WDR87: variants seen among roughly 807,000 people sequenced by gnomAD.
WDR87 encodes the protein WD repeat domain 87.
Under a neutral mutation model 83.3 loss-of-function variants are expected in WDR87, and 56 were observed. That is an observed-to-expected ratio of 0.67 (90% CI 0.54 to 0.84). The LOEUF is 0.84. Among genes scored for constraint, WDR87 ranks in the 40% least tolerant of loss-of-function variants. WDR87 has a pLI of 0.00. For missense variants in WDR87, 2,939 were observed against 3,431.9 expected (o/e 0.86, Z 3.59); for synonymous variants, 1,173 against 1,250.6 (o/e 0.94, Z 1.31).
rs6508750 is a variant in WDR87, at chr19:37,888,806, C to G, written c.4865G>C (p.Arg1622Pro). The G allele has an allele frequency of 1.3e-6, 2 of 1,551,174 alleles. No individual in the cohort carries two copies. The highest frequency in any genetic ancestry group is 1.7e-6 in the Non-Finnish European group (2 of 1,146,904). Residue 1622 changes from arginine (R) to proline (P), a missense_variant, in exon 6 of 6, where the codon CGA (arginine) becomes CCA (proline). By Grantham distance (103) the Arg-to-Pro change is moderately radical. Coordinates refer to ENST00000447313, the MANE Select transcript of WDR87 (RefSeq NM_001291088.2). ...TTCTTGGGCTCGTTTTTTTTCAGCT[C>G]GGGCTCGTTTCCTGTGTATTCTGGC... ...KWARIHRKRA[R>P]AEKKRAQEER...
Position 37,893,799 on chromosome 19 carries a change from A to C in WDR87, c.1904T>G (p.Phe635Cys), listed in dbSNP as rs1352607072. ...SADGSVRIWD[F>C]HGRLIGILDS... ...CAGAATGCCTATGAGTCTGCCATGG[A>C]AGTCCCAGATCCGAACAGAGCCATC... Residue 635 changes from phenylalanine (F) to cysteine (C), a missense_variant, in exon 4 of 6, where the codon TTC becomes TGC. Coordinates refer to ENST00000447313, the MANE Select transcript of WDR87 (RefSeq NM_001291088.2). 1.3e-6 allele frequency: 2 copies of C among 1,551,756 alleles called. No homozygotes were observed. The highest frequency in any genetic ancestry group is 2.4e-5 in the South Asian group (2 of 84,066).
Position 37,891,640 on chromosome 19 carries a change from C to T in WDR87, c.3306G>A (p.Leu1102=). 6.4e-7 allele frequency: 1 copy of T among 1,551,874 alleles called. No homozygotes were observed. The highest frequency in any genetic ancestry group is 8.7e-7 in the Non-Finnish European group (1 of 1,147,044). ...ATTCTTCAGAAACTGTAGGAGGTTT[C>T]AGGGAGGATTTAAGTTCAGAAGGCA... ...VSMPSELKSS[L]KPPTVSEESE... The change falls in exon 5 of 6, where the codon CTG becomes CTA. Residue 1102 remains leucine, a synonymous_variant. Transcript: ENST00000447313.
intron 3 of WDR87, 181 bp downstream of exon 3, chr19:37,895,957 C>T (rs1293736873): frequency 1.1e-5 from 9 of 823,724 alleles, no homozygotes; most frequent in East Asian, 5.6e-5. Flanking sequence ...TGGTTTACTT[C>T]GGGGGAACCA....
rs2046157439 is a variant in WDR87, at chr19:37,887,246, G to A, written c.6425C>T (p.Ala2142Val). The A allele has an allele frequency of 6.4e-7, 1 of 1,551,638 alleles. No homozygotes were observed. The highest frequency in any genetic ancestry group is 8.7e-7 in the Non-Finnish European group (1 of 1,146,974). ...CAACCTGCGCTCCTTAACAAAGAGT[G>A]CCCTCTTCATCTTTGTCATTTTTAT... is the stretch of plus-strand genomic sequence containing the variant. ...EEIKMTKMKRALFVKERRLSI... is the reference protein window; with the variant it reads ...EEIKMTKMKRVLFVKERRLSI... The change falls in exon 6 of 6, where the codon GCA (alanine) becomes GTA (valine). Residue 2142 changes from alanine (A) to valine (V), a missense_variant. This residue lies in a region of WDR87 where 2,160 missense variants were observed against 2,533.1 expected (regional missense o/e 0.85). Coordinates refer to ENST00000447313, the MANE Select transcript of WDR87 (RefSeq NM_001291088.2).
chr19:37,898,645 C>T (rs1441003172), intron 1 of WDR87, among the ~76,000 whole-genome samples: 1 of 152,092 alleles, frequency 6.6e-6, no homozygotes, highest in African/African-American at 2.4e-5. Context: ...GTCCGGAGAG[C>T]ATTTTGTGAA....
rs777377236 is a variant in WDR87, at chr19:37,885,119, G to A, written c.8552C>T (p.Ser2851Phe). The A allele has an allele frequency of 9.6e-5, 140 of 1,463,162 alleles. No homozygotes were observed. The highest frequency in any genetic ancestry group is 1.2e-4 in the Non-Finnish European group (128 of 1,108,112). 90.6% of individuals were successfully genotyped at this position (1,463,162 alleles called of 1,614,324 possible). ...CTCCTGAGGACTTCTAGGAGTATGA[G>A]AACTGCCACAAAACAGGCAGCAGAA... is the stretch of plus-strand genomic sequence containing the variant. Reference protein sequence around the residue: ...RLFCCLFCGSSHTPRSPQEFQ... With the variant: ...RLFCCLFCGSFHTPRSPQEFQ... The change falls in exon 6 of 6, where the codon TCT becomes TTT. Residue 2851 changes from serine to phenylalanine, a missense_variant. This residue lies in a region of WDR87 where 2,160 missense variants were observed against 2,533.1 expected (regional missense o/e 0.85). Coordinates refer to ENST00000447313, the MANE Select transcript of WDR87 (RefSeq NM_001291088.2).
intron 1 of WDR87, among the ~76,000 whole-genome samples, chr19:37,898,644 G>A (rs1599771396): frequency 1.3e-5 from 2 of 152,150 alleles, no homozygotes; most frequent in South Asian, 4.1e-4. Flanking sequence ...TGTCCGGAGA[G>A]CATTTTGTGA....
chr19:37,895,870 T>C (rs1599768607), intron 3 of WDR87: 2 of 444,272 alleles, frequency 4.5e-6, no homozygotes, highest in East Asian at 8.2e-5. Flanking sequence ...ATTGGAGGAC[T>C]CAAGTGATTT....
At chr19:37,900,838 C>T (rs1268180890) in intron 1 of WDR87, among the ~76,000 whole-genome samples, 3 of 151,926 alleles carry the variant, frequency 2.0e-5, no homozygotes, top group Non-Finnish European at 4.4e-5. Flanking sequence ...AGTTGATCTG[C>T]TTCAGATCCT....
rs781610555 is a variant in WDR87 at position 37,889,141 on chromosome 19, A to G, written c.4530T>C (p.His1510=). ...KKAWDEWKQV[H]GETRKSWKAW... is the part of the protein sequence containing the mutation. The stretch of plus-strand genomic sequence containing the variant: ...CCTTCCAGGATTTCCTTGTCTCACC[A>G]TGGACCTGTTTCCACTCATCCCAGG... Residue 1510 remains histidine, a synonymous_variant, in exon 6 of 6, where the codon CAT becomes CAC. Coordinates refer to ENST00000447313, the MANE Select transcript of WDR87 (RefSeq NM_001291088.2). 2.6e-6 allele frequency: 4 copies of G among 1,552,076 alleles called. No individual in the cohort carries two copies. In the South Asian group the frequency reaches 3.6e-5, roughly 14 times the overall value.
rs1443368384 is a variant in WDR87, at chr19:37,893,358, T to G, written c.2345A>C (p.Tyr782Ser). ...GGGAGGAAGCACATAATGGCATTGG[T>G]AACGTTTGCTCACCTGCATCCAATC... ...MEDWMQVSKR[Y>S]QCHYVLPPQL... The change falls in exon 4 of 6, where the codon TAC becomes TCC. Residue 782 changes from tyrosine to serine, a missense_variant. Physicochemically the swap from Tyr to Ser is moderately radical, Grantham distance 144. Coordinates refer to ENST00000447313, the MANE Select transcript of WDR87 (RefSeq NM_001291088.2). The G allele has an allele frequency of 6.4e-7, 1 of 1,551,978 alleles. No individual in the cohort carries two copies. Among genetic ancestry groups the G allele is most frequent in the African/African-American group, 1.4e-5 (1 of 73,180 alleles).
At chr19:37,892,542 G>A (rs536377360) in intron 4 of WDR87, 36 bp downstream of exon 4, 34 of 1,442,584 alleles carry the variant, frequency 2.4e-5, no homozygotes, top group African/African-American at 1.0e-4. Flanking sequence ...GGAAAATGGC[G>A]AATGGGGTGA....
At chr19:37,902,016 C>T (rs1162192140) in intron 1 of WDR87, among the ~76,000 whole-genome samples, 4 of 123,078 alleles carry the variant, frequency 3.2e-5, no homozygotes, top group Non-Finnish European at 6.5e-5. Flanking sequence ...GCACCTGGCC[C>T]TCTATGTTTA....
In WDR87 at chr19:37,893,356, G is replaced by A; in HGVS notation, c.2347C>T (p.Gln783Ter). 2 of 1,551,944 alleles carry A rather than the reference G, an allele frequency of 1.3e-6. No individual in the cohort carries two copies. Among genetic ancestry groups the A allele is most frequent in the Non-Finnish European group, 1.7e-6 (2 of 1,147,042 alleles). ...EDWMQVSKRY[Q>*]CHYVLPPQLQ... ...TGGGGAGGAAGCACATAATGGCATT[G>A]GTAACGTTTGCTCACCTGCATCCAA... Residue 783 changes from glutamine to a stop codon, truncating the protein, a stop_gained, in exon 4 of 6, where the codon CAA becomes TAA. Coordinates refer to ENST00000447313, the MANE Select transcript of WDR87 (RefSeq NM_001291088.2). LOFTEE classifies it high-confidence loss of function.
chr19:37,886,605 C>T lies in WDR87; in HGVS notation c.7066G>A (p.Glu2356Lys). Residue 2356 changes from glutamate to lysine, a missense_variant, in exon 6 of 6, where the codon GAG becomes AAG. Glu to Lys is a moderately conservative substitution (Grantham distance 56, BLOSUM62 1). This residue lies in a region of WDR87 where 2,160 missense variants were observed against 2,533.1 expected (regional missense o/e 0.85). Coordinates refer to ENST00000447313, the MANE Select transcript of WDR87 (RefSeq NM_001291088.2). ...TCCTCGTCACTCAAACTTTCTGTCT[C>T]TTCCTCACTCATAATTTCTTCTTTC... ...EEKEEIMSEEETESLSDEEEE... is the reference protein window; with the variant it reads ...EEKEEIMSEEKTESLSDEEEE... The T allele has an allele frequency of 6.5e-7, 1 of 1,534,382 alleles. No individual in the cohort carries two copies. Among genetic ancestry groups the T allele is most frequent in the Non-Finnish European group, 8.8e-7 (1 of 1,140,444 alleles).
Position 37,887,357 on chromosome 19 carries a change from A to G in WDR87, c.6314T>C (p.Leu2105Pro). Residue 2105 changes from leucine to proline, a missense_variant, in exon 6 of 6, where the codon CTT becomes CCT. Coordinates refer to ENST00000447313, the MANE Select transcript of WDR87 (RefSeq NM_001291088.2). Reference protein sequence around the residue: ...SRKLIKKRESLSKEPAKLNKI... With the variant: ...SRKLIKKRESPSKEPAKLNKI... ...GTTCAGTTTTGCTGGTTCCTTGGAA[A>G]GGCTCTCCCTTTTTTTAATCAACTT... 6.4e-7 allele frequency: 1 copy of G among 1,551,602 alleles called. No homozygotes were observed. The highest frequency in any genetic ancestry group is 2.4e-5 in the East Asian group (1 of 40,910).
Position 37,889,240 on chromosome 19 carries a change from C to T in WDR87, c.4431G>A (p.Glu1477=). 6.4e-7 allele frequency: 1 copy of T among 1,552,034 alleles called. No homozygotes were observed. Among genetic ancestry groups the T allele is most frequent in the Non-Finnish European group, 8.7e-7 (1 of 1,147,104 alleles). ...TTCCTTCTTGTTTGACCACTTTCTC[C>T]TCTAGTGTGGCCATTTCCTCCACTT... ...SEEVEEMATL[E]EKVVKQEGKL... Residue 1477 remains glutamate, a synonymous_variant, in exon 6 of 6, where the codon GAG becomes GAA. Coordinates refer to ENST00000447313, the MANE Select transcript of WDR87 (RefSeq NM_001291088.2).
rs967571377 is a variant in WDR87, at chr19:37,887,582, T to C, written c.6089A>G (p.Glu2030Gly). 1.3e-6 allele frequency: 2 copies of C among 1,551,820 alleles called. No individual in the cohort carries two copies. The highest frequency in any genetic ancestry group is 1.7e-6 in the Non-Finnish European group (2 of 1,147,046). The change falls in exon 6 of 6, where the codon GAA becomes GGA. Residue 2030 changes from glutamate to glycine, a missense_variant. Transcript: ENST00000447313. ...KETLSKGETP[E>G]TSRQRKMTQV... ...AGTCATTTTCCTTTGTCTAGAAGTTTCTGGAGTCTCTCCCTTAGACAGTGT... is the reference window on the plus strand; with the variant it reads ...AGTCATTTTCCTTTGTCTAGAAGTTCCTGGAGTCTCTCCCTTAGACAGTGT...
Position 37,888,469 on chromosome 19 carries a change from C to T in WDR87, c.5202G>A (p.Gln1734=), listed in dbSNP as rs1357623521. 3 of 1,551,974 alleles carry T rather than the reference C, an allele frequency of 1.9e-6. No individual in the cohort carries two copies. The South Asian group carries it at 3.6e-5, about 18-fold the overall frequency. ...CCCTCTGGGGCAGTTCTTCCACTTT[C>T]TGGGCCAATATGTTTTTCACCTCAG... ...KLAEVKNILA[Q]KVEELPQREQ... Residue 1734 remains glutamine (Q), a synonymous_variant, in exon 6 of 6, where the codon CAG becomes CAA. Transcript: ENST00000447313.
Sources: gnomAD v4.1 joint callset for allele counts (sites outside exome capture counted in the v4.1 genomes callset) on GRCh38, gnomAD v4.1.1 for gene constraint, gnomAD v4.1.1 regional missense constraint, MANE v1.5 for transcripts, NCBI Gene and HGNC (gene_info 2026-07-23, HGNC 2026-07-21) for gene names.